The following SCN3A variants were observed in gnomAD, a reference collection of about 807,000 sequenced individuals.
The protein encoded by SCN3A is sodium voltage-gated channel alpha subunit 3, also known as sodium channel protein type 3 subunit alpha.
SCN3A carries 60 observed loss-of-function variants against 187.6 expected under a neutral mutation model. The ratio of observed to expected loss-of-function variants is 0.32; its 90% CI spans 0.26 to 0.40. The LOEUF is 0.40. SCN3A is among the 10% of genes least tolerant of loss of function. SCN3A has a pLI of 1.00. For synonymous variants in SCN3A, 788 were observed against 829.2 expected (o/e 0.95, Z 0.85); for missense variants, 1,601 against 2,428.2 (o/e 0.66, Z 7.16).
At chr2:165,164,303 C>T (rs1312752228) in intron 6 of SCN3A, 89 bp downstream of exon 6, 1 of 1,537,276 alleles carries the variant, frequency 6.5e-7, no homozygotes, top group Non-Finnish European at 9.0e-7. Context: ...AACAAGAAAG[C>T]TCTACATTTA....
intron 1 of SCN3A, among the ~76,000 whole-genome samples, chr2:165,200,019 C>G (rs1454698131): frequency 6.6e-6 from 1 of 152,044 alleles, no homozygotes; most frequent in African/African-American, 2.4e-5. Flanking sequence ...TTTCTAACTA[C>G]CTCAAGTTAC....
intron 11 of SCN3A, among the ~76,000 whole-genome samples, chr2:165,148,637 T>TA (rs1239490455): frequency 1.3e-5 from 2 of 152,062 alleles, no homozygotes; most frequent in Non-Finnish European, 2.9e-5. Context: ...AAGCAACACA[T>TA]AAAATGTAAC....
Position 165,139,597 on chromosome 2 carries a change from T to G in SCN3A, c.2031A>C (p.Thr677=). The change falls in exon 14 of 28, where the codon ACA becomes ACC. Residue 677 remains threonine (T), a synonymous_variant. Transcript: ENST00000283254. ...TGQLPPEGTT[T]ETEVRKRRLS... is the part of the protein sequence containing the mutation. ...ACCTTCTCTTTCTGACTTCCGTTTC[T>G]GTGGTGGTGCCCTGCAAACCAAATA... is the stretch of plus-strand genomic sequence containing the variant. 6.2e-7 allele frequency: 1 copy of G among 1,613,450 alleles called. No homozygotes were observed. Among genetic ancestry groups the G allele is most frequent in the Non-Finnish European group, 8.5e-7 (1 of 1,179,772 alleles).
intron 21 of SCN3A, among the ~76,000 whole-genome samples, chr2:165,100,892 G>GT (rs906605659): frequency 2.0e-5 from 3 of 152,070 alleles, no homozygotes; most frequent in Non-Finnish European, 2.9e-5. Flanking sequence ...GATCGTATAC[G>GT]TTTTTTTATC....
At chr2:165,125,531 A>G (rs1405769873) in intron 18 of SCN3A, among the ~76,000 whole-genome samples, 1 of 151,952 alleles carries the variant, frequency 6.6e-6, no homozygotes, top group Non-Finnish European at 1.5e-5. Flanking sequence ...ACTAGCTAGG[A>G]TGGTCTCGAT....
intron 18 of SCN3A, among the ~76,000 whole-genome samples, chr2:165,116,688 A>G (rs528172959): frequency 4.6e-5 from 7 of 152,156 alleles, no homozygotes; most frequent in Non-Finnish European, 1.0e-4. Context: ...GATTTAATGA[A>G]GACGTAATGC....
chr2:165,143,043 T>C (rs1225519472), intron 12 of SCN3A, among the ~76,000 whole-genome samples: 1 of 152,094 alleles, frequency 6.6e-6, no homozygotes, highest in Non-Finnish European at 1.5e-5. Context: ...TGAGCCACCA[T>C]GCCCAGCCCA....
At chr2:165,175,258 G>T (rs910352552) in intron 3 of SCN3A, among the ~76,000 whole-genome samples, 1 of 151,940 alleles carries the variant, frequency 6.6e-6, no homozygotes, top group Admixed American at 6.6e-5. Context: ...CTATTTTTAC[G>T]CTTTTAAGTG....
rs2105861903 is a variant in SCN3A at position 165,154,636 on chromosome 2, G to A, written c.1196C>T (p.Thr399Ile). The A allele has an allele frequency of 6.2e-7, 1 of 1,613,984 alleles. No homozygotes were observed. Among genetic ancestry groups the A allele is most frequent in the Non-Finnish European group, 8.5e-7 (1 of 1,179,922 alleles). Reference sequence around the variant, plus strand: ...GACCAGGACAAAAAATATCATGTATGTTTTCCCAGCAGCACGTAATGTCTA... The same window carrying A: ...GACCAGGACAAAAAATATCATGTATATTTTCCCAGCAGCACGTAATGTCTA... ...YQLTLRAAGK[T>I]YMIFFVLVIF... is the part of the protein sequence containing the mutation. The change falls in exon 11 of 28, where the codon ACA (threonine) becomes ATA (isoleucine). Residue 399 changes from threonine to isoleucine, a missense_variant. Thr to Ile is a moderately conservative substitution (Grantham distance 89). Coordinates refer to ENST00000283254, the MANE Select transcript of SCN3A (RefSeq NM_006922.4).
chr2:165,187,588 T>C (rs1691323033), intron 1 of SCN3A, among the ~76,000 whole-genome samples: 1 of 152,256 alleles, frequency 6.6e-6, no homozygotes, highest in Non-Finnish European at 1.5e-5. Context: ...ACATGGTCTA[T>C]ACAATCTTTG....
chr2:165,133,473 G>A (rs1282646601), intron 15 of SCN3A, among the ~76,000 whole-genome samples: 1 of 151,962 alleles, frequency 6.6e-6, no homozygotes, highest in African/African-American at 2.4e-5. Flanking sequence ...AGGTAGCTGG[G>A]ATTACAGGCA....
intron 12 of SCN3A, among the ~76,000 whole-genome samples, chr2:165,146,493 TATATATTATATCA>T (rs1388781424): frequency 6.7e-6 from 1 of 148,430 alleles, no homozygotes; most frequent in African/African-American, 2.4e-5. Flanking sequence ...TATATATATC[TATATATTATATCA>T]ATATATCTAT....
intron 1 of SCN3A, 132 bp downstream of exon 1, chr2:165,203,691 C>T (rs1692458285): frequency 6.6e-6 from 1 of 151,908 alleles, no homozygotes. Flanking sequence ...CAAACGATGC[C>T]TTTGGTTCCT....
At chr2:165,199,161 C>T (rs1167116315) in intron 1 of SCN3A, among the ~76,000 whole-genome samples, 4 of 151,928 alleles carry the variant, frequency 2.6e-5, no homozygotes, top group Non-Finnish European at 5.9e-5. Context: ...AGCTTCTTGG[C>T]AGAAAATGGT....
At chr2:165,155,719 T>A in intron 10 of SCN3A, 43 bp downstream of exon 10, 1 of 1,610,626 alleles carries the variant, frequency 6.2e-7, no homozygotes, top group Non-Finnish European at 8.5e-7. Context: ...ATTTCATACA[T>A]GTCTATAAAA....
At chr2:165,146,368 T>TTATA (rs145037221) in intron 12 of SCN3A, among the ~76,000 whole-genome samples, 9 of 108,262 alleles carry the variant, frequency 8.3e-5, no homozygotes, top group African/African-American at 2.5e-4. Flanking sequence ...CTAGTGTAGG[T>TTATA]TATATATATA....
At chr2:165,128,394 A>G (rs1472029228) in intron 17 of SCN3A, among the ~76,000 whole-genome samples, 1 of 152,074 alleles carries the variant, frequency 6.6e-6, no homozygotes, top group African/African-American at 2.4e-5. Flanking sequence ...GCCAGTGCAA[A>G]GACAAAATCC....
At chr2:165,151,213 C>T (rs914741193) in intron 11 of SCN3A, among the ~76,000 whole-genome samples, 4 of 152,146 alleles carry the variant, frequency 2.6e-5, no homozygotes, top group Non-Finnish European at 1.5e-5. Context: ...GCTGTATCTC[C>T]ATTACCCCAA....
At chr2:165,144,442 G>T (rs1011237966) in intron 12 of SCN3A, among the ~76,000 whole-genome samples, 2 of 152,078 alleles carry the variant, frequency 1.3e-5, no homozygotes, top group East Asian at 3.9e-4. Flanking sequence ...TAAGCTCTCT[G>T]CTCTTGCCTG....
Sources: allele counts gnomAD v4.1 joint callset (sites outside exome capture counted in the v4.1 genomes callset), GRCh38; gene constraint gnomAD v4.1.1; transcripts MANE v1.5; gene names NCBI Gene and HGNC (gene_info 2026-07-23, HGNC 2026-07-21).